NPRL3: variants seen among roughly 807,000 people sequenced by gnomAD.
NPRL3 encodes the protein GATOR1 complex protein NPRL3.
In NPRL3, 23 loss-of-function variants were observed where a neutral mutation model predicts 57.2. That is an observed-to-expected ratio of 0.40 (90% confidence interval 0.29 to 0.57). The LOEUF (loss-of-function observed/expected upper bound fraction) is 0.57. Among genes scored for constraint, NPRL3 ranks in the 20% least tolerant of loss-of-function variants. The pLI, the probability that NPRL3 is intolerant of heterozygous loss-of-function variation, is 0.42. For synonymous variants in NPRL3, 333 were observed against 321.1 expected (o/e 1.04, Z -0.39); for missense variants, 691 against 767.1 (o/e 0.90, Z 1.17).
chr16:94,198 G>T (rs1466786535), intron 9 of NPRL3, among the ~76,000 whole-genome samples: 1 of 151,808 alleles, frequency 6.6e-6, no homozygotes, highest in African/African-American at 2.4e-5. Context: ...TTGCTCTTGT[G>T]GACCCTTGAA....
In NPRL3 at chr16:86,862, T is replaced by C. The variant is rs1237758348; in HGVS notation, c.1553A>G (p.His518Arg). ...CAGGTGGTGGCGGCCGCGGAAGTAG[T>C]GAAGGAGCCTGGAAGGGATGGGTGG... ...EDLRMFARLLHYFRGRHHLEE... is the reference protein window; with the variant it reads ...EDLRMFARLLRYFRGRHHLEE... The change falls in exon 14 of 14, where the codon CAC (histidine) becomes CGC (arginine). Residue 518 changes from histidine (H) to arginine (R), a missense_variant. By Grantham distance (29) the His-to-Arg change is conservative (BLOSUM62 0). Transcript: ENST00000611875. The C allele has an allele frequency of 6.2e-7, 1 of 1,612,788 alleles. No individual in the cohort carries two copies. The highest frequency in any genetic ancestry group is 8.5e-7 in the Non-Finnish European group (1 of 1,179,530).
rs755783739 is a variant in NPRL3, at chr16:117,308, G to A, written c.386C>T (p.Ala129Val). 4 of 1,608,344 alleles carry A rather than the reference G, an allele frequency of 2.5e-6. No homozygotes were observed. The Admixed American group carries it at 5.0e-5, about 20-fold the overall frequency. Residue 129 changes from alanine to valine, a missense_variant, in exon 5 of 14, where the codon GCA becomes GTA. Coordinates refer to ENST00000611875, the MANE Select transcript of NPRL3 (RefSeq NM_001077350.3). ...ATTTATATAAACACTCACCCTCAGT[G>A]CAAACACCACATTAAAAAGAATCAT... ...PTMILFNVVF[A>V]LRANADPSVI...
chr16:92,578 T>C lies in NPRL3; in HGVS notation c.1161+18A>G, dbSNP rs1166595520. The C allele has an allele frequency of 6.2e-7, 1 of 1,611,402 alleles. No individual in the cohort carries two copies. Among genetic ancestry groups the C allele is most frequent in the East Asian group, 2.2e-5 (1 of 44,832 alleles). On this transcript the variant is annotated intron_variant, in intron 11 of 13. Transcript: ENST00000611875. The stretch of plus-strand genomic sequence containing the variant: ...TACACACCTGCCACTCTGGGCTCCT[T>C]GAGCTTCTGTGACTCACCTCCTGCA...
chr16:119,456 G>A, intron 3 of NPRL3: 3 of 598,364 alleles, frequency 5.0e-6, no homozygotes, highest in Non-Finnish European at 8.9e-6. Context: ...AGAATTACAA[G>A]GTAAAAGGCA....
chr16:86,851 C>A lies in NPRL3; in HGVS notation c.1564G>T (p.Gly522Cys). The A allele has an allele frequency of 6.2e-7, 1 of 1,613,196 alleles. No homozygotes were observed. The highest frequency in any genetic ancestry group is 2.2e-5 in the East Asian group (1 of 44,874). ...ATAATCTCCTCCAGGTGGTGGCGGC[C>A]GCGGAAGTAGTGAAGGAGCCTGGAA... ...MFARLLHYFR[G>C]RHHLEEIMYN... The change falls in exon 14 of 14, where the codon GGC becomes TGC. Residue 522 changes from glycine (G) to cysteine (C), a missense_variant. Transcript: ENST00000611875.
At chr16:135,391 A>C (rs12933727) in intron 2 of NPRL3, among the ~76,000 whole-genome samples, 1,864 of 152,282 alleles carry the variant, frequency 0.012, 38 homozygotes, top group African/African-American at 0.038. Flanking sequence ...AAGGCAGATC[A>C]CGAGGTCAGG....
chr16:121,542 C>G (rs1327727562), intron 3 of NPRL3, among the ~76,000 whole-genome samples: 1 of 151,704 alleles, frequency 6.6e-6, no homozygotes, highest in Non-Finnish European at 1.5e-5. Flanking sequence ...ATCGCTTGAA[C>G]CTGGGCGGCA....
chr16:138,180 T>C lies in NPRL3; in HGVS notation c.88A>G (p.Arg30Gly). The change falls in exon 2 of 14, where the codon AGA (arginine) becomes GGA (glycine). Residue 30 changes from arginine (R) to glycine (G), a missense_variant. Arg to Gly is a moderately radical substitution (Grantham distance 125). Transcript: ENST00000611875. The stretch of plus-strand genomic sequence containing the variant: ...TGGGACGCCGGGTGCTCCTGGCTTC[T>C]CTGGAAGGGGTACCTGAACAGCAGC... ...NKLLFRYPFQ[R>G]SQEHPASQTS... is the part of the protein sequence containing the mutation. The C allele has an allele frequency of 6.2e-7, 1 of 1,609,108 alleles. No individual in the cohort carries two copies. The highest frequency in any genetic ancestry group is 8.5e-7 in the Non-Finnish European group (1 of 1,178,138).
At chr16:127,994 C>CTTTTT (rs112188139) in intron 3 of NPRL3, among the ~76,000 whole-genome samples, 2 of 133,332 alleles carry the variant, frequency 1.5e-5, no homozygotes, top group Non-Finnish European at 1.6e-5. Flanking sequence ...CCATCTTCTT[C>CTTTTT]TTTTTTTTTT....
chr16:136,312 CAT>C (rs774552281), intron 2 of NPRL3, among the ~76,000 whole-genome samples: 2 of 152,240 alleles, frequency 1.3e-5, no homozygotes, highest in Non-Finnish European at 2.9e-5. Flanking sequence ...TTCTGATCTA[CAT>C]CAAAGATGCA....
intron 3 of NPRL3, among the ~76,000 whole-genome samples, chr16:121,896 T>C (rs536867797): frequency 2.2e-4 from 33 of 151,550 alleles, no homozygotes; most frequent in African/African-American, 7.8e-4. Context: ...TGCCTCAGCC[T>C]CCCGAGTAGC....
intron 7 of NPRL3, among the ~76,000 whole-genome samples, chr16:101,957 G>A (rs1899318086): frequency 6.6e-6 from 1 of 152,216 alleles, no homozygotes; most frequent in Non-Finnish European, 1.5e-5. Context: ...CACTCCTGAG[G>A]AGGGGGGCTT....
rs68086908 is a variant in NPRL3, at chr16:96,648, C to CAAA, written c.924+1494_924+1496dup. Among the ~76,000 whole-genome samples the CAAA allele has an allele frequency of 6.6e-3, 658 of 99,832 alleles. 7 individuals are homozygous for CAAA. The highest frequency in any genetic ancestry group is 0.018 in the African/African-American group (418 of 22,874). The allele number at this position is 99,832 out of a possible 152,430, so 65.5% of individuals were successfully genotyped here. A position where few individuals can be genotyped will look rare whatever the true frequency, so the allele number is the denominator to read the frequency against. On this transcript the variant is annotated intron_variant, in intron 9 of 13. Transcript: ENST00000611875. ...CAACATAGGGAAACCCCGTCTCTAC[C>CAAA]AAAAAAAAAAAAAAAAAAAAAATAT...
rs142373562 is a variant in NPRL3, at chr16:85,515, G to A, written c.*1190C>T. ...ACCGCCAGCCGTGTCCTCAAGGACC[G>A]CGAGCTCTGCAGTGGCCCCTCCAAG... On this transcript the variant is annotated 3_prime_UTR_variant, in exon 14 of 14. Transcript: ENST00000611875. 3.3e-5 allele frequency: 53 copies of A among 1,613,374 alleles called. No individual in the cohort carries two copies. The African/African-American group carries it at 5.1e-4, about 15-fold the overall frequency.
At chr16:100,609 T>TCCCCTAAGCAGC in intron 7 of NPRL3, 100 bp from the exon 8 acceptor site, 1 of 1,177,588 alleles carries the variant, frequency 8.5e-7, no homozygotes, top group Non-Finnish European at 1.1e-6. Flanking sequence ...CCCTGCTGCT[T>TCCCCTAAGCAGC]AGGGGAAACT....
At chr16:103,312 T>C (rs1237784237) in intron 7 of NPRL3, among the ~76,000 whole-genome samples, 1 of 128,606 alleles carries the variant, frequency 7.8e-6, no homozygotes, top group South Asian at 2.9e-4. Context: ...TTTTTTTTTT[T>C]TTTTTTTTTT....
intron 11 of NPRL3, among the ~76,000 whole-genome samples, chr16:91,396 AAC>A (rs1213067982): frequency 6.6e-6 from 1 of 152,162 alleles, no homozygotes; most frequent in East Asian, 1.9e-4. Flanking sequence ...CCAAAAATAA[AAC>A]AGAGGGGCTT....
intron 9 of NPRL3, among the ~76,000 whole-genome samples, chr16:97,221 C>G (rs897235367): frequency 6.6e-6 from 1 of 152,130 alleles, no homozygotes; most frequent in African/African-American, 2.4e-5. Context: ...CTGTTGGCCA[C>G]CCCATCAGCA....
At chr16:137,236 A>G (rs957657284) in intron 2 of NPRL3, among the ~76,000 whole-genome samples, 2 of 152,120 alleles carry the variant, frequency 1.3e-5, no homozygotes, top group African/African-American at 2.4e-5. Context: ...TAAATAAAAT[A>G]AAAACAAAAA....
Sources: gnomAD v4.1 joint callset for allele counts (sites outside exome capture counted in the v4.1 genomes callset) on GRCh38, gnomAD v4.1.1 for gene constraint, MANE v1.5 for transcripts, NCBI Gene and HGNC (gene_info 2026-07-23, HGNC 2026-07-21) for gene names.